The following MCTP1 variants were observed in gnomAD, a reference collection of about 807,000 sequenced individuals.
MCTP1 encodes the protein multiple C2 and transmembrane domain containing 1.
Under a neutral mutation model 120.6 loss-of-function variants are expected in MCTP1, and 69 were observed. The ratio of observed to expected loss-of-function variants is 0.57; its 90% CI spans 0.47 to 0.70. The LOEUF is 0.70. Among genes scored for constraint, MCTP1 ranks in the 30% least tolerant of loss-of-function variants. MCTP1 has a pLI of 0.00. For missense variants in MCTP1, 1,203 were observed against 1,248.8 expected (o/e 0.96, Z 0.55); for synonymous variants, 529 against 493.1 (o/e 1.07, Z -0.96).
At chr5:94,731,169 G>A (rs910152059) in intron 19 of MCTP1, among the ~76,000 whole-genome samples, 24 of 152,076 alleles carry the variant, frequency 1.6e-4, no homozygotes, top group African/African-American at 5.3e-4. Context: ...CTCTACATAC[G>A]TGGGGGAATT....
intron 3 of MCTP1, among the ~76,000 whole-genome samples, chr5:94,952,744 C>T (rs1178480527): frequency 1.3e-5 from 2 of 151,892 alleles, no homozygotes; most frequent in Non-Finnish European, 2.9e-5. Context: ...CACCCCCAGC[C>T]CCCCATTTTT....
At chr5:95,048,103 T>G (rs750045557) in intron 1 of MCTP1, among the ~76,000 whole-genome samples, 4 of 152,214 alleles carry the variant, frequency 2.6e-5, no homozygotes. Context: ...GCATAATTGC[T>G]TTTACTCTCT....
chr5:94,811,229 C>T (rs1470185845), intron 17 of MCTP1, among the ~76,000 whole-genome samples: 3 of 152,152 alleles, frequency 2.0e-5, no homozygotes, highest in Non-Finnish European at 4.4e-5. Context: ...TGATGAATGT[C>T]TTTCTCCCAT....
intron 1 of MCTP1, among the ~76,000 whole-genome samples, chr5:95,084,629 G>A (rs1386924422): frequency 1.3e-5 from 2 of 151,420 alleles, no homozygotes; most frequent in African/African-American, 4.9e-5. Flanking sequence ...TATATCAACA[G>A]TCCAATGTTT....
chr5:95,035,735 T>G (rs1050671896), intron 1 of MCTP1, among the ~76,000 whole-genome samples: 2 of 152,064 alleles, frequency 1.3e-5, no homozygotes, highest in Non-Finnish European at 2.9e-5. Flanking sequence ...AAAATATATA[T>G]ATACTTGTGA....
chr5:95,037,542 A>G (rs955814655), intron 1 of MCTP1, among the ~76,000 whole-genome samples: 1 of 152,182 alleles, frequency 6.6e-6, no homozygotes, highest in Non-Finnish European at 1.5e-5. Context: ...TGTAGTATAT[A>G]TTGGTCTAAT....
At chr5:94,813,040 A>G (rs1783777442) in intron 17 of MCTP1, among the ~76,000 whole-genome samples, 2 of 152,162 alleles carry the variant, frequency 1.3e-5, no homozygotes. Context: ...AAATGAAAAG[A>G]TAAGCCACAC....
intron 1 of MCTP1, among the ~76,000 whole-genome samples, chr5:95,028,882 C>T (rs1183553261): frequency 6.6e-6 from 1 of 152,120 alleles, no homozygotes; most frequent in African/African-American, 2.4e-5. Flanking sequence ...AATATGTAGG[C>T]CGGGCACGGT....
At chr5:95,157,840 C>A (rs1745293380) in intron 1 of MCTP1, among the ~76,000 whole-genome samples, 1 of 152,074 alleles carries the variant, frequency 6.6e-6, no homozygotes, top group Non-Finnish European at 1.5e-5. Context: ...ACAGTCACTC[C>A]CTTTCCTTCA....
rs563951130 is a variant in MCTP1 at position 95,284,203 on chromosome 5, T to G, written c.373A>C (p.Ile125Leu). 23 of 1,558,928 alleles carry G rather than the reference T, an allele frequency of 1.5e-5. No homozygotes were observed. The African/African-American group carries it at 2.6e-4, about 18-fold the overall frequency. The change falls in exon 1 of 23, where the codon ATC becomes CTC. Residue 125 changes from isoleucine (I) to leucine (L), a missense_variant. Transcript: ENST00000515393. This position sits in a 1 kb window ranked among gnomAD's most constrained non-coding sequence, Gnocchi z 5.2. ...AEQGSTLRRR[I>L]REHLLPAVKG... ...ACGGCGGGGAGCAAATGCTCGCGGA[T>G]CCGGCGGCGTAGCGTGGACCCCTGC...
chr5:94,856,626 G>C (rs1232183544), intron 17 of MCTP1, among the ~76,000 whole-genome samples: 1 of 151,578 alleles, frequency 6.6e-6, no homozygotes, highest in Non-Finnish European at 1.5e-5. Context: ...CAGCAAACCC[G>C]ATGAGAAGGG....
intron 14 of MCTP1, 72 bp from the exon 15 acceptor site, chr5:94,871,045 C>T (rs1446521066): frequency 3.3e-6 from 4 of 1,222,114 alleles, no homozygotes; most frequent in Non-Finnish European, 4.8e-6. Context: ...TGACCTTTGA[C>T]CCCCAGCTGC....
intron 2 of MCTP1, among the ~76,000 whole-genome samples, chr5:94,971,121 G>A (rs1297909048): frequency 1.3e-5 from 2 of 151,922 alleles, no homozygotes; most frequent in South Asian, 2.1e-4. Flanking sequence ...AGTCACTTAG[G>A]CTCTGTTGTA....
At chr5:95,259,758 G>A (rs1385540090) in intron 1 of MCTP1, among the ~76,000 whole-genome samples, 2 of 152,080 alleles carry the variant, frequency 1.3e-5, no homozygotes, top group Admixed American at 6.6e-5. Context: ...ACTCCCTGGT[G>A]GTGGTACCCT....
chr5:95,116,023 A>C (rs1012391749), intron 1 of MCTP1, among the ~76,000 whole-genome samples: 6 of 152,156 alleles, frequency 3.9e-5, no homozygotes, highest in African/African-American at 1.2e-4. Context: ...CTCCAGAAGA[A>C]TATGTCTAGA....
At chr5:95,083,125 A>C (rs1457541315) in intron 1 of MCTP1, among the ~76,000 whole-genome samples, 1 of 152,198 alleles carries the variant, frequency 6.6e-6, no homozygotes, top group Non-Finnish European at 1.5e-5. Context: ...AGCAGAATTT[A>C]ATCAAAAAAT....
intron 1 of MCTP1, among the ~76,000 whole-genome samples, chr5:95,244,620 C>T (rs187544609): frequency 6.3e-4 from 96 of 152,310 alleles, no homozygotes; most frequent in African/African-American, 2.1e-3. Context: ...TGCAGCTTGA[C>T]GGGAGGAGGG....
chr5:95,076,093 T>A (rs556429992), intron 1 of MCTP1, among the ~76,000 whole-genome samples: 14 of 152,278 alleles, frequency 9.2e-5, no homozygotes, highest in African/African-American at 3.4e-4. Flanking sequence ...TATACATATA[T>A]ACCTATGATA....
At chr5:95,138,273 G>A (rs540344485) in intron 1 of MCTP1, among the ~76,000 whole-genome samples, 3 of 150,192 alleles carry the variant, frequency 2.0e-5, no homozygotes, top group Admixed American at 6.7e-5. Flanking sequence ...TTTGGAGCTC[G>A]ATGGGAATAT....
Sources: allele counts gnomAD v4.1 joint callset (sites outside exome capture counted in the v4.1 genomes callset), GRCh38; gene constraint gnomAD v4.1.1; non-coding constraint Gnocchi (gnomAD v3.1); transcripts MANE v1.5; gene names NCBI Gene and HGNC (gene_info 2026-07-23, HGNC 2026-07-21).